Variants in DPYD observed in about 807,000 individuals in gnomAD.
DPYD encodes the protein dihydropyrimidine dehydrogenase, also known as dihydropyrimidine dehydrogenase [NADP(+)].
DPYD carries 109 observed loss-of-function variants against 116.2 expected under a neutral mutation model. That is an observed-to-expected ratio of 0.94 (90% confidence interval 0.80 to 1.10). The LOEUF is 1.10. DPYD is among the 50% of genes least tolerant of loss of function. The pLI is 0.00. For synonymous variants in DPYD, 440 were observed against 432.0 expected (o/e 1.02, Z -0.23); for missense variants, 1,302 against 1,254.5 (o/e 1.04, Z -0.57).
intron 2 of DPYD, chr1:97,855,261 T>C (rs925715937): frequency 5.3e-5 from 8 of 152,232 alleles, no homozygotes; most frequent in South Asian, 4.1e-4. Flanking sequence ...TTGTTGGCCA[T>C]GGTGCTCTGT....
At chr1:97,433,202 G>C (rs1570726374) in intron 14 of DPYD, among the ~76,000 whole-genome samples, 1 of 152,094 alleles carries the variant, frequency 6.6e-6, no homozygotes, top group East Asian at 1.9e-4. Flanking sequence ...CTTTTAACTG[G>C]AGGAGGCCCT....
In DPYD at chr1:97,845,757, G is replaced by T. The variant is rs548375391; in HGVS notation, c.151-17561C>A. Among the ~76,000 whole-genome samples the T allele has an allele frequency of 3.9e-5, 6 of 152,332 alleles. No individual in the cohort carries two copies. In the East Asian group the frequency reaches 1.2e-3, roughly 29 times the overall value. ...CCCTTCAGGGAGGCCAGACCTAGGG[G>T]TTACCTGATCCAGGGCTGTCACATC... On this transcript the variant is annotated intron_variant, in intron 2 of 22. Coordinates refer to ENST00000370192, the MANE Select transcript of DPYD (RefSeq NM_000110.4).
intron 18 of DPYD, among the ~76,000 whole-genome samples, chr1:97,300,972 T>A (rs1165552844): frequency 6.6e-6 from 1 of 152,062 alleles, no homozygotes; most frequent in Non-Finnish European, 1.5e-5. Context: ...ACTTGTACCT[T>A]CTTTTATTAG....
At chr1:97,365,343 A>G (rs12124566) in intron 16 of DPYD, among the ~76,000 whole-genome samples, 141,675 of 152,234 alleles carry the variant, frequency 0.93, 66,783 homozygotes, top group East Asian at 1. Flanking sequence ...CTGCCCTGAC[A>G]ATCTCTATTA....
At chr1:97,087,808 T>G (rs1649621530) in intron 21 of DPYD, among the ~76,000 whole-genome samples, 1 of 152,226 alleles carries the variant, frequency 6.6e-6, no homozygotes, top group Non-Finnish European at 1.5e-5. Context: ...TTTTTAGTTC[T>G]GATAAAATTC....
intron 20 of DPYD, among the ~76,000 whole-genome samples, chr1:97,185,331 A>T (rs1321250097): frequency 6.6e-6 from 1 of 152,160 alleles, no homozygotes; most frequent in Non-Finnish European, 1.5e-5. Context: ...GACTGAGAAT[A>T]TCAAAAGGTG....
Position 97,198,624 on chromosome 1 carries a change from C to T in DPYD, c.2443-5376G>A, listed in dbSNP as rs578180606. Among the ~76,000 whole-genome samples, 19 of 152,186 alleles carry T rather than the reference C, an allele frequency of 1.2e-4. No individual in the cohort carries two copies. The South Asian group carries it at 3.7e-3, about 30-fold the overall frequency. On this transcript the variant is annotated intron_variant, in intron 19 of 22. Transcript: ENST00000370192. ...AAACTCCAAACATGTAGCTGCTATG[C>T]CTAAATGGGTGCATTTTATATGACA...
intron 3 of DPYD, among the ~76,000 whole-genome samples, chr1:97,763,346 T>C (rs1192359783): frequency 6.6e-6 from 1 of 152,078 alleles, no homozygotes; most frequent in Non-Finnish European, 1.5e-5. Flanking sequence ...TTCCACTCAG[T>C]GCCTATACAT....
intron 13 of DPYD, among the ~76,000 whole-genome samples, chr1:97,494,773 CACACAT>C (rs1475200162): frequency 1.9e-3 from 282 of 149,352 alleles, no homozygotes; most frequent in African/African-American, 6.8e-3. Flanking sequence ...CACACACACA[CACACAT>C]ACGCACACAC....
At chr1:97,510,355 G>C (rs1647690113) in intron 13 of DPYD, among the ~76,000 whole-genome samples, 1 of 151,918 alleles carries the variant, frequency 6.6e-6, no homozygotes, top group Non-Finnish European at 1.5e-5. Context: ...TTCTAAAGGA[G>C]ATTTTATCTA....
chr1:97,408,665 G>A (rs1432373052), intron 14 of DPYD, among the ~76,000 whole-genome samples: 8 of 152,250 alleles, frequency 5.3e-5, no homozygotes, highest in Admixed American at 1.3e-4. Flanking sequence ...GTTCCTAATT[G>A]TGTCTGTGAG....
At position 97,078,518 on chromosome 1, in the gene DPYD, A is replaced by G; in HGVS notation, c.*458T>C. ...CTAACTACATTTTCTTAGAAACAGC[A>G]TTAAAATTAAAGGTAATTTTTAATG... On this transcript the variant is annotated 3_prime_UTR_variant, in exon 23 of 23. Transcript: ENST00000370192. 1.1e-5 allele frequency: 2 copies of G among 186,632 alleles called. No homozygotes were observed. The highest frequency in any genetic ancestry group is 2.8e-4 in the East Asian group (2 of 7,160). The allele number at this position is 186,632 out of a possible 1,614,324, so 11.6% of individuals were successfully genotyped here.
chr1:97,399,876 C>A (rs144409461), intron 14 of DPYD, among the ~76,000 whole-genome samples: 1 of 152,234 alleles, frequency 6.6e-6, no homozygotes, highest in African/African-American at 2.4e-5. Context: ...TCTAGATACA[C>A]GATCATGTCA....
chr1:97,117,088 C>T (rs6702924), intron 20 of DPYD, among the ~76,000 whole-genome samples: 1 of 151,686 alleles, frequency 6.6e-6, no homozygotes, highest in Admixed American at 6.6e-5. Context: ...CGCTTGAACC[C>T]TGGAGGCAGA....
intron 1 of DPYD, 109 bp from the exon 2 acceptor site, chr1:97,883,483 G>T: frequency 1.2e-6 from 1 of 863,946 alleles, no homozygotes; most frequent in Non-Finnish European, 1.8e-6. Flanking sequence ...CTCTCACTTT[G>T]TCACCCAGGC....
chr1:97,804,884 A>G (rs1390437419), intron 3 of DPYD, among the ~76,000 whole-genome samples: 4 of 151,952 alleles, frequency 2.6e-5, no homozygotes. Context: ...AATTCTTACC[A>G]AAGTAATAAA....
intron 19 of DPYD, among the ~76,000 whole-genome samples, chr1:97,223,591 C>A (rs901189946): frequency 6.6e-6 from 1 of 152,064 alleles, no homozygotes; most frequent in African/African-American, 2.4e-5. Flanking sequence ...TGAAAAAAGT[C>A]ATATAGTATG....
At chr1:97,656,387 C>T (rs1240586660) in intron 8 of DPYD, among the ~76,000 whole-genome samples, 1 of 152,102 alleles carries the variant, frequency 6.6e-6, no homozygotes, top group Non-Finnish European at 1.5e-5. Context: ...GGTCTAGCTA[C>T]TTTTTTTAAT....
At chr1:97,399,089 G>T (rs1408590675) in intron 14 of DPYD, among the ~76,000 whole-genome samples, 2 of 152,110 alleles carry the variant, frequency 1.3e-5, no homozygotes, top group African/African-American at 2.4e-5. Flanking sequence ...GGTCTAACAT[G>T]TAAGTCTTTA....
Sources: gnomAD v4.1 joint callset for allele counts (sites outside exome capture counted in the v4.1 genomes callset) on GRCh38, gnomAD v4.1.1 for gene constraint, MANE v1.5 for transcripts, NCBI Gene and HGNC (gene_info 2026-07-23, HGNC 2026-07-21) for gene names.